Variants in NSD1 observed in about 807,000 individuals in gnomAD.
The protein encoded by NSD1 is histone-lysine N-methyltransferase, H3 lysine-36 specific.
Under a neutral mutation model 242.7 loss-of-function variants are expected in NSD1, and 26 were observed. The observed-to-expected ratio is 0.11, with a 90% CI of 0.08 to 0.15. NSD1 has a LOEUF of 0.15. Among genes scored for constraint, NSD1 ranks in the 10% least tolerant of loss-of-function variants. NSD1 has a pLI of 1.00. For missense variants in NSD1, 2,495 were observed against 3,272.8 expected, an observed-to-expected ratio of 0.76 and a Z score of 5.80; for synonymous variants, 1,106 against 1,178.1, an observed-to-expected ratio of 0.94 and a Z score of 1.25.
At chr5:177,257,961 G>GC (rs201864974) in intron 13 of NSD1, among the ~76,000 whole-genome samples, 4 of 136,152 alleles carry the variant, frequency 2.9e-5, no homozygotes, top group Admixed American at 2.3e-4. Flanking sequence ...ACCACGCGTG[G>GC]CCCCCCTGGG....
chr5:177,211,281 C>T lies in NSD1; in HGVS notation c.2882C>T (p.Ser961Phe). The T allele has an allele frequency of 6.2e-7, 1 of 1,614,100 alleles. No individual in the cohort carries two copies. Among genetic ancestry groups the T allele is most frequent in the Non-Finnish European group, 8.5e-7 (1 of 1,180,020 alleles). Reference sequence around the variant, plus strand: ...TCTAAGGTTTTGGTTTCAGGAGGCTCCACACACAATTCAGAGAAAAAGGGA... The same window carrying T: ...TCTAAGGTTTTGGTTTCAGGAGGCTTCACACACAATTCAGAGAAAAAGGGA... ...GVSKVLVSGG[S>F]THNSEKKGDG... The change falls in exon 5 of 23, where the codon TCC (serine) becomes TTC (phenylalanine). Residue 961 changes from serine to phenylalanine, a missense_variant. Coordinates refer to ENST00000439151, the MANE Select transcript of NSD1 (RefSeq NM_022455.5).
At chr5:177,157,723 A>C (rs1311150200) in intron 2 of NSD1, among the ~76,000 whole-genome samples, 1 of 152,188 alleles carries the variant, frequency 6.6e-6, no homozygotes, top group Non-Finnish European at 1.5e-5. Flanking sequence ...AGAACCTTTC[A>C]TCACCCCAAA....
intron 14 of NSD1, chr5:177,266,366 C>A: frequency 1.5e-6 from 1 of 686,650 alleles, no homozygotes; most frequent in Non-Finnish European, 2.7e-6. Flanking sequence ...GCGGGCCCGG[C>A]CTTGGCGGCG....
Position 177,210,861 on chromosome 5 carries a change from G to T in NSD1, c.2462G>T (p.Gly821Val). The T allele has an allele frequency of 6.2e-7, 1 of 1,614,178 alleles. No individual in the cohort carries two copies. Among genetic ancestry groups the T allele is most frequent in the South Asian group, 1.1e-5 (1 of 91,080 alleles). The change falls in exon 5 of 23, where the codon GGC becomes GTC. Residue 821 changes from glycine to valine, a missense_variant. By Grantham distance (109) the Gly-to-Val change is moderately radical. Transcript: ENST00000439151. The part of the protein sequence containing the change: ...SLKCCSSDTK[G>V]SPLASISKSG... ...AAATGCTGCTCTTCTGATACCAAAG[G>T]CTCTCCTTTGGCCAGCATTTCTAAA...
At chr5:177,205,505 T>C (rs1231220909) in intron 4 of NSD1, among the ~76,000 whole-genome samples, 1 of 151,564 alleles carries the variant, frequency 6.6e-6, no homozygotes, top group African/African-American at 2.4e-5. Context: ...AATACTCTTT[T>C]TTCCTCCAGT....
At chr5:177,277,044 A>G (rs1003213331) in intron 17 of NSD1, among the ~76,000 whole-genome samples, 1 of 152,200 alleles carries the variant, frequency 6.6e-6, no homozygotes, top group African/African-American at 2.4e-5. Context: ...TTTAGAGTTA[A>G]CATATTAACC....
intron 2 of NSD1, among the ~76,000 whole-genome samples, chr5:177,170,356 A>AT (rs1011239815): frequency 5.7e-4 from 76 of 133,098 alleles, no homozygotes; most frequent in African/African-American, 1.1e-3. Flanking sequence ...ATTTTATTTA[A>AT]TTTTTTTTTT....
At position 177,295,967 on chromosome 5, in the gene NSD1, G is replaced by A. The variant is rs941670731; in HGVS notation, c.*508G>A. 1.9e-5 allele frequency: 5 copies of A among 264,526 alleles called. No homozygotes were observed. Among genetic ancestry groups the A allele is most frequent in the African/African-American group, 6.5e-5 (3 of 46,238 alleles). 16.4% of individuals were successfully genotyped at this position (264,526 alleles called of 1,614,324 possible). The stretch of plus-strand genomic sequence containing the variant: ...TGAGAGATACAGGCCTCATCCCTGT[G>A]AGCCTGGATTCCAAGGCTTTCAGGA... On this transcript the variant is annotated 3_prime_UTR_variant, in exon 23 of 23. Coordinates refer to ENST00000439151, the MANE Select transcript of NSD1 (RefSeq NM_022455.5). This position sits in a 1 kb window ranked among gnomAD's most constrained non-coding sequence, Gnocchi z 4.3.
chr5:177,181,048 T>G (rs931289018), intron 2 of NSD1, among the ~76,000 whole-genome samples: 1 of 147,550 alleles, frequency 6.8e-6, no homozygotes, highest in Non-Finnish European at 1.5e-5. Flanking sequence ...GTTTCTTTTT[T>G]TTTTTTTTGA....
chr5:177,154,756 T>G (rs1757985296), intron 2 of NSD1, among the ~76,000 whole-genome samples: 1 of 152,146 alleles, frequency 6.6e-6, no homozygotes, highest in South Asian at 2.1e-4. Flanking sequence ...AATGCAATGG[T>G]GCGATCTCGG....
Position 177,295,372 on chromosome 5 carries a change from G to T in NSD1, c.8004G>T (p.Gly2668=), listed in dbSNP as rs371481876. The T allele has an allele frequency of 1.2e-6, 2 of 1,614,214 alleles. No individual in the cohort carries two copies. The highest frequency in any genetic ancestry group is 1.1e-5 in the South Asian group (1 of 91,080). Residue 2668 remains glycine (G), a synonymous_variant, in exon 23 of 23, where the codon GGG becomes GGT. Transcript: ENST00000439151. The surrounding 1 kb of genome is among the most constrained non-coding windows in gnomAD (Gnocchi z 4.3). ...AGACTTGCTGGTCTCTTGGAAGAGG[G>T]CAAGACCCCAAACCAGAGCAAAATA... ...LAQTCWSLGR[G]QDPKPEQNTL...
At position 177,238,167 on chromosome 5, in the gene NSD1, G is replaced by A. The variant is rs946780785; in HGVS notation, c.3922-70G>A. 1.3e-6 allele frequency: 2 copies of A among 1,535,498 alleles called. No homozygotes were observed. Among genetic ancestry groups the A allele is most frequent in the South Asian group, 2.2e-5 (2 of 89,196 alleles). On this transcript the variant is annotated intron_variant, in intron 6 of 22. Coordinates refer to ENST00000439151, the MANE Select transcript of NSD1 (RefSeq NM_022455.5). The surrounding 1 kb of genome is among the most constrained non-coding windows in gnomAD (Gnocchi z 4.6). ...CAGAATTTCATTCCTTTTAAAGTGT[G>A]TTATTCTTTTTGACACTTAAATTAC...
chr5:177,256,493 G>C (rs1756480073), intron 12 of NSD1, among the ~76,000 whole-genome samples: 2 of 152,106 alleles, frequency 1.3e-5, no homozygotes, highest in Non-Finnish European at 2.9e-5. Context: ...ACGTTGCCTG[G>C]GCTGGCCTCG....
intron 20 of NSD1, among the ~76,000 whole-genome samples, chr5:177,287,056 T>C (rs1759395286): frequency 6.6e-6 from 1 of 152,216 alleles, no homozygotes; most frequent in Non-Finnish European, 1.5e-5. Flanking sequence ...CTACTCTTGT[T>C]TATCTCTTCT....
rs761911552 is a variant in NSD1, at chr5:177,285,334, C to G, written c.6151+1406C>G. On this transcript the variant is annotated intron_variant, in intron 20 of 22. Transcript: ENST00000439151. The stretch of plus-strand genomic sequence containing the variant: ...ATCCCAGCACTTTGGGAGGCCAACA[C>G]GGGCAGATCACGAGGTCAGGAGATC... Among the ~76,000 whole-genome samples, 93 of 152,006 alleles carry G rather than the reference C, an allele frequency of 6.1e-4. 1 individual carries two copies. Among genetic ancestry groups the G allele is most frequent in the Admixed American group, 1.2e-3 (18 of 15,268 alleles).
At chr5:177,266,131 G>A in intron 14 of NSD1, 1 of 1,108,922 alleles carries the variant, frequency 9.0e-7, no homozygotes, top group Non-Finnish European at 1.4e-6. Flanking sequence ...TGAGGCTATT[G>A]GGCGCCAGCC....
At chr5:177,158,922 TTGTG>T (rs560922028) in intron 2 of NSD1, among the ~76,000 whole-genome samples, 9 of 132,374 alleles carry the variant, frequency 6.8e-5, no homozygotes, top group Admixed American at 2.2e-4. Context: ...TATATATAGT[TTGTG>T]TGTGTGTGTG....
chr5:177,257,497 C>T lies in NSD1; in HGVS notation c.4966+346C>T, dbSNP rs542773439. Among the ~76,000 whole-genome samples the T allele has an allele frequency of 6.6e-5, 10 of 152,228 alleles. No individual in the cohort carries two copies. The South Asian group carries it at 2.1e-3, about 32-fold the overall frequency. On this transcript the variant is annotated intron_variant, in intron 13 of 22. Transcript: ENST00000439151. ...CCACCTGCCTCGGCCTCCCAAAGTG[C>T]TGGGATTACAGGCGTGAGCCGCTGC...
intron 5 of NSD1, among the ~76,000 whole-genome samples, chr5:177,225,389 TGTC>T (rs1562230732): frequency 6.6e-6 from 1 of 152,166 alleles, no homozygotes. Flanking sequence ...GTAATCTGCC[TGTC>T]TGAGCCTCCC....
Sources: allele counts gnomAD v4.1 joint callset (sites outside exome capture counted in the v4.1 genomes callset), GRCh38; gene constraint gnomAD v4.1.1; non-coding constraint Gnocchi (gnomAD v3.1); transcripts MANE v1.5; gene names NCBI Gene and HGNC (gene_info 2026-07-23, HGNC 2026-07-21).